The following RGMA variants were observed in gnomAD, a reference collection of about 807,000 sequenced individuals.
RGMA encodes repulsive guidance molecule A.
In RGMA, 10 loss-of-function variants were observed where a neutral mutation model predicts 23.2. The ratio of observed to expected loss-of-function variants is 0.43; its 90% CI spans 0.27 to 0.73. The LOEUF is 0.73. Among genes scored for constraint, RGMA ranks in the 30% least tolerant of loss-of-function variants. The probability of loss-of-function intolerance (pLI) is 0.20; values close to 1 mark genes in which losing one functional copy is unlikely to be tolerated. For missense variants in RGMA, 547 were observed against 630.5 expected (o/e 0.87, Z 1.42); for synonymous variants, 308 against 279.3 (o/e 1.10, Z -1.03).
chr15:93,064,500 T>C (rs1279750622), intron 2 of RGMA, among the ~76,000 whole-genome samples: 1 of 152,170 alleles, frequency 6.6e-6, no homozygotes, highest in Non-Finnish European at 1.5e-5. Context: ...AGGCAGGCCT[T>C]CCTCCTTCAC....
At position 93,064,123 on chromosome 15, in the gene RGMA, A is replaced by G. The variant is rs1051162316; in HGVS notation, c.130+8793T>C. Among the ~76,000 whole-genome samples the G allele has an allele frequency of 4.7e-5, 7 of 149,292 alleles. No homozygotes were observed. In the Admixed American group the frequency reaches 5.5e-4, roughly 12 times the overall value. ...GACCACGGGCAAGTAGGATGGTGTG[A>G]GAGTGTGGTGTTCACCCTCTGGCCA... On this transcript the variant is annotated intron_variant, in intron 2 of 3. Transcript: ENST00000329082.
chr15:93,063,221 C>T (rs1014314947), intron 2 of RGMA, among the ~76,000 whole-genome samples: 2 of 152,250 alleles, frequency 1.3e-5, no homozygotes, highest in African/African-American at 2.4e-5. Context: ...ATGTCCCTTT[C>T]CTCACTGTCC....
intron 2 of RGMA, among the ~76,000 whole-genome samples, chr15:93,070,810 C>T (rs1386223579): frequency 6.6e-6 from 1 of 152,178 alleles, no homozygotes; most frequent in African/African-American, 2.4e-5. Context: ...CCGGCCTTGA[C>T]GCCAAAAAGA....
chr15:93,078,466 T>G (rs1895508040), intron 1 of RGMA, among the ~76,000 whole-genome samples: 1 of 152,174 alleles, frequency 6.6e-6, no homozygotes, highest in African/African-American at 2.4e-5. Flanking sequence ...TGAGAACGGA[T>G]CCTTATTTTT....
intron 1 of RGMA, among the ~76,000 whole-genome samples, chr15:93,081,699 T>C (rs1470572356): frequency 6.6e-6 from 1 of 152,228 alleles, no homozygotes; most frequent in Non-Finnish European, 1.5e-5. Context: ...GATTAATGAA[T>C]AATTTAGTGC....
chr15:93,038,569 G>GTTGT lies in RGMA; in HGVS notation c.*6428_*6429insACAA, dbSNP rs1471553159. The GTTGT allele has an allele frequency of 6.0e-5, 6 of 100,224 alleles. No individual in the cohort carries two copies. The highest frequency in any genetic ancestry group is 1.9e-4 in the African/African-American group (6 of 30,862). The allele number at this position is 100,224 out of a possible 1,614,324, so 6.2% of individuals were successfully genotyped here. A position where few individuals can be genotyped will look rare whatever the true frequency, so the allele number is the denominator to read the frequency against. On this transcript the variant is annotated 3_prime_UTR_variant, in exon 4 of 4. Transcript: ENST00000329082. ...GCCTTAATGAACGAAACTGTTAGTT[G>GTTGT]TTTTTTTTTTTTTTTTGAGACGGTG... is the stretch of plus-strand genomic sequence containing the variant.
intron 2 of RGMA, among the ~76,000 whole-genome samples, chr15:93,063,789 C>T (rs1417205854): frequency 1.3e-5 from 2 of 152,194 alleles, no homozygotes; most frequent in Non-Finnish European, 2.9e-5. Flanking sequence ...TAGAAACCAG[C>T]CACAGGAGAA....
chr15:93,047,222 G>A (rs757296118), intron 3 of RGMA, among the ~76,000 whole-genome samples: 6 of 152,186 alleles, frequency 3.9e-5, no homozygotes, highest in Non-Finnish European at 7.3e-5. Flanking sequence ...TCCGCGTCCT[G>A]GGTGGCGTCT....
In RGMA at chr15:93,044,697, G is replaced by T. The variant is rs2054785115; in HGVS notation, c.*301C>A. The T allele has an allele frequency of 4.5e-6, 2 of 444,668 alleles. No individual in the cohort carries two copies. Among genetic ancestry groups the T allele is most frequent in the East Asian group, 3.9e-5 (1 of 25,598 alleles). The allele number at this position is 444,668 out of a possible 1,614,324, so 27.5% of individuals were successfully genotyped here. On this transcript the variant is annotated 3_prime_UTR_variant, in exon 4 of 4. Transcript: ENST00000329082. The stretch of plus-strand genomic sequence containing the variant: ...CGGTTCCCAGTGTGTCTCTGGTGGG[G>T]GTGGGGGGCTTCAGCCTGAGGGGAT...
chr15:93,065,819 G>C (rs1483350257), intron 2 of RGMA: 7 of 834,140 alleles, frequency 8.4e-6, no homozygotes, highest in Middle Eastern at 5.2e-4. Flanking sequence ...TTGAGGTAGG[G>C]GAACCCGCTC....
rs2054685714 is a variant in RGMA, at chr15:93,038,569, G to GTTTTGTTTTTTTT, written c.*6428_*6429insAAAAAAAACAAAA. On this transcript the variant is annotated 3_prime_UTR_variant, in exon 4 of 4. Coordinates refer to ENST00000329082, the MANE Select transcript of RGMA (RefSeq NM_020211.3). ...GCCTTAATGAACGAAACTGTTAGTT[G>GTTTTGTTTTTTTT]TTTTTTTTTTTTTTTTGAGACGGTG... 1.0e-5 allele frequency: 1 copy of GTTTTGTTTTTTTT among 100,224 alleles called. No homozygotes were observed. The highest frequency in any genetic ancestry group is 2.3e-5 in the Non-Finnish European group (1 of 42,826). The allele number at this position is 100,224 out of a possible 1,614,324, so 6.2% of individuals were successfully genotyped here. A position where few individuals can be genotyped will look rare whatever the true frequency, so the allele number is the denominator to read the frequency against.
intron 1 of RGMA, among the ~76,000 whole-genome samples, chr15:93,074,665 GCTACGGTTTTCC>G (rs1441818298): frequency 6.6e-6 from 1 of 152,190 alleles, no homozygotes; most frequent in Non-Finnish European, 1.5e-5. Context: ...TCTGCAAAAT[GCTACGGTTTTCC>G]CAGTGAAAGC....
intron 3 of RGMA, among the ~76,000 whole-genome samples, chr15:93,046,321 G>A (rs1461601248): frequency 6.6e-6 from 1 of 152,142 alleles, no homozygotes; most frequent in East Asian, 1.9e-4. Context: ...AAGGGATGCT[G>A]GCAACCACCA....
At chr15:93,088,366 G>C in intron 1 of RGMA, 2 of 985,458 alleles carry the variant, frequency 2.0e-6, no homozygotes, top group Non-Finnish European at 2.4e-6. Context: ...GCTTGGCAAT[G>C]GGCATCCTCG....
At chr15:93,066,680 C>T (rs1201552970) in intron 2 of RGMA, 2 of 387,782 alleles carry the variant, frequency 5.2e-6, no homozygotes, top group South Asian at 1.8e-5. Context: ...CGGCCCCCGC[C>T]GCCGCCCGGT....
chr15:93,072,831 C>T (rs1431059422), intron 2 of RGMA, 85 bp downstream of exon 2: 2 of 1,439,084 alleles, frequency 1.4e-6, no homozygotes, highest in South Asian at 2.6e-5. Context: ...AGAACTTGAG[C>T]CCGGACTCAC....
At chr15:93,054,282 A>G (rs185308907) in intron 2 of RGMA, among the ~76,000 whole-genome samples, 48 of 151,750 alleles carry the variant, frequency 3.2e-4, no homozygotes, top group Non-Finnish European at 6.0e-4. Flanking sequence ...CCATTTTATT[A>G]GCTTTAAATT....
Position 93,057,851 on chromosome 15 carries a change from T to C in RGMA, c.131-5344A>G, listed in dbSNP as rs1021259731. ...CCCCTTGGCTCTTCAGAGGGAGAGATTGGGGGGTGGCACATCGAGCTCTCG... is the reference window on the plus strand; with the variant it reads ...CCCCTTGGCTCTTCAGAGGGAGAGACTGGGGGGTGGCACATCGAGCTCTCG... On this transcript the variant is annotated intron_variant, in intron 2 of 3. Transcript: ENST00000329082. Among the ~76,000 whole-genome samples the C allele has an allele frequency of 4.6e-5, 7 of 152,050 alleles. No homozygotes were observed. In the South Asian group the frequency reaches 6.2e-4, roughly 14 times the overall value.
At position 93,045,487 on chromosome 15, in the gene RGMA, G is replaced by A; in HGVS notation, c.864C>T (p.Arg288=). The change falls in exon 4 of 4, where the codon CGC becomes CGT. Residue 288 remains arginine, a synonymous_variant. Transcript: ENST00000329082. The surrounding 1 kb of genome is among the most constrained non-coding windows in gnomAD (Gnocchi z 6.9). ...GCATGCGGACGGCAAAGGTCAGGTAGCGGCCCACCTGGCGCACCACGATGG... is the reference window on the plus strand; with the variant it reads ...GCATGCGGACGGCAAAGGTCAGGTAACGGCCCACCTGGCGCACCACGATGG... The part of the protein sequence containing the change: ...GTTIVVRQVG[R]YLTFAVRMPE... 1.9e-6 allele frequency: 3 copies of A among 1,613,306 alleles called. No individual in the cohort carries two copies. The highest frequency in any genetic ancestry group is 2.5e-6 in the Non-Finnish European group (3 of 1,179,850).
Sources: gnomAD v4.1 joint callset for allele counts (sites outside exome capture counted in the v4.1 genomes callset) on GRCh38, gnomAD v4.1.1 for gene constraint, Gnocchi (gnomAD v3.1) non-coding constraint, MANE v1.5 for transcripts, NCBI Gene and HGNC (gene_info 2026-07-23, HGNC 2026-07-21) for gene names.